Variants in MAP3K20 observed in about 807,000 individuals in gnomAD.
MAP3K20 encodes HCCS-4.
A neutral mutation model predicts 85.7 loss-of-function variants in MAP3K20; 40 were observed. That is an observed-to-expected ratio of 0.47 (90% confidence interval 0.36 to 0.61). The LOEUF is 0.61. MAP3K20 is among the 20% of genes least tolerant of loss of function. The probability of loss-of-function intolerance (pLI) is 0.00; values close to 1 mark genes in which losing one functional copy is unlikely to be tolerated. For synonymous variants in MAP3K20, 325 were observed against 327.7 expected, an observed-to-expected ratio of 0.99 and a Z score of 0.09; for missense variants, 817 against 961.7, an observed-to-expected ratio of 0.85 and a Z score of 1.99.
chr2:173,200,937 A>T (rs938178574), intron 8 of MAP3K20, among the ~76,000 whole-genome samples: 1 of 152,200 alleles, frequency 6.6e-6, no homozygotes. Context: ...CGGCCAAAAA[A>T]GTTTTTTAAA....
chr2:173,087,820 G>C (rs1157790004), intron 1 of MAP3K20, among the ~76,000 whole-genome samples: 1 of 146,694 alleles, frequency 6.8e-6, no homozygotes, highest in Non-Finnish European at 1.5e-5. Context: ...ATTCTATTCT[G>C]TGTGTTCTAT....
chr2:173,253,645 C>G (rs1385584863), intron 16 of MAP3K20, among the ~76,000 whole-genome samples: 1 of 152,132 alleles, frequency 6.6e-6, no homozygotes, highest in Non-Finnish European at 1.5e-5. Flanking sequence ...TTTGCAGTTC[C>G]CATAGGACCT....
At chr2:173,183,538 C>T (rs1574086380) in intron 4 of MAP3K20, among the ~76,000 whole-genome samples, 1 of 152,096 alleles carries the variant, frequency 6.6e-6, no homozygotes, top group African/African-American at 2.4e-5. Context: ...TCTTTTTTCT[C>T]ATACATTCTT....
chr2:173,171,259 A>T (rs921613330), intron 3 of MAP3K20, among the ~76,000 whole-genome samples: 2 of 152,088 alleles, frequency 1.3e-5, no homozygotes, highest in Non-Finnish European at 2.9e-5. Flanking sequence ...TTCCGTGTCC[A>T]TTGTATCTAC....
At chr2:173,149,957 G>A (rs1400638968) in intron 2 of MAP3K20, among the ~76,000 whole-genome samples, 1 of 152,214 alleles carries the variant, frequency 6.6e-6, no homozygotes, top group Non-Finnish European at 1.5e-5. Context: ...TTTAGGGAGT[G>A]TATAGAGATG....
At chr2:173,206,926 CTTTCTT>C (rs1178654720) in intron 9 of MAP3K20, among the ~76,000 whole-genome samples, 3 of 72,104 alleles carry the variant, frequency 4.2e-5, no homozygotes, top group Admixed American at 1.7e-4. Context: ...CAATAAAGTA[CTTTCTT>C]TTTTTTTTTT....
chr2:173,223,311 C>T (rs908402165), intron 11 of MAP3K20: 22 of 923,436 alleles, frequency 2.4e-5, no homozygotes, highest in Middle Eastern at 5.5e-4. Flanking sequence ...TATCTTTGTG[C>T]GTCTGTTTGC....
intron 11 of MAP3K20, chr2:173,223,189 G>C (rs1684297521): frequency 1.0e-6 from 1 of 985,282 alleles, no homozygotes; most frequent in Admixed American, 6.2e-5. Flanking sequence ...GAAAGTTCTG[G>C]GTGTGAGGTG....
chr2:173,184,620 C>T (rs931056592), intron 4 of MAP3K20, among the ~76,000 whole-genome samples: 3 of 152,174 alleles, frequency 2.0e-5, no homozygotes, highest in African/African-American at 7.2e-5. Flanking sequence ...AATTAGGTAG[C>T]AAACTGGGCC....
intron 9 of MAP3K20, among the ~76,000 whole-genome samples, chr2:173,209,110 C>T (rs1410887855): frequency 6.6e-6 from 1 of 152,062 alleles, no homozygotes; most frequent in East Asian, 1.9e-4. Flanking sequence ...GGTTCAGGGG[C>T]ACATGGCCAC....
intron 14 of MAP3K20, among the ~76,000 whole-genome samples, chr2:173,238,089 T>C (rs1020522598): frequency 2.0e-5 from 3 of 152,142 alleles, no homozygotes; most frequent in Non-Finnish European, 2.9e-5. Flanking sequence ...AGTTCAAGGC[T>C]GTGGAGAGTT....
At chr2:173,248,273 G>A (rs889595463) in intron 16 of MAP3K20, among the ~76,000 whole-genome samples, 1 of 152,058 alleles carries the variant, frequency 6.6e-6, no homozygotes, top group Non-Finnish European at 1.5e-5. Flanking sequence ...GAGGATGTAT[G>A]GAAAAAAATA....
intron 1 of MAP3K20, among the ~76,000 whole-genome samples, chr2:173,089,060 A>T (rs1287777256): frequency 6.6e-6 from 1 of 152,212 alleles, no homozygotes; most frequent in Non-Finnish European, 1.5e-5. Context: ...TGGGATGGCT[A>T]GCCAGCTGCA....
Position 173,143,356 on chromosome 2 carries a change from G to A in MAP3K20, c.160-26449G>A, listed in dbSNP as rs577025636. 4.6e-5 allele frequency among the ~76,000 whole-genome samples: 7 copies of A among 152,110 alleles called. No homozygotes were observed. The South Asian group carries it at 1.5e-3, about 32-fold the overall frequency. The stretch of plus-strand genomic sequence containing the variant: ...CAAAATACATGAAGCAAAACTGATA[G>A]AACTAGAAAAAGAAATAGACAAATT... On this transcript the variant is annotated intron_variant, in intron 2 of 19. Coordinates refer to ENST00000375213, the MANE Select transcript of MAP3K20 (RefSeq NM_016653.3).
At chr2:173,153,219 ACG>A (rs1219611258) in intron 2 of MAP3K20, among the ~76,000 whole-genome samples, 1 of 152,128 alleles carries the variant, frequency 6.6e-6, no homozygotes, top group Admixed American at 6.5e-5. Flanking sequence ...AGAAGTTGTT[ACG>A]CCTCCCATTT....
intron 11 of MAP3K20, chr2:173,224,660 C>T (rs1684337503): frequency 2.0e-6 from 2 of 985,302 alleles, no homozygotes; most frequent in Non-Finnish European, 2.4e-6. Context: ...TAGAACTGGA[C>T]TATTGATCAT....
At chr2:173,145,146 T>C (rs1352651015) in intron 2 of MAP3K20, among the ~76,000 whole-genome samples, 6 of 152,010 alleles carry the variant, frequency 3.9e-5, no homozygotes, top group African/African-American at 1.4e-4. Flanking sequence ...AAAGCAAAGG[T>C]AATCTCTTGT....
intron 2 of MAP3K20, among the ~76,000 whole-genome samples, chr2:173,163,028 CT>C (rs1689710471): frequency 6.6e-6 from 1 of 152,154 alleles, no homozygotes; most frequent in African/African-American, 2.4e-5. Flanking sequence ...GGTATCTTTG[CT>C]TTCTTTCACA....
chr2:173,095,182 CAAGT>C (rs1192659793), intron 2 of MAP3K20, among the ~76,000 whole-genome samples: 1 of 152,158 alleles, frequency 6.6e-6, no homozygotes, highest in African/African-American at 2.4e-5. Context: ...CCAAATTTAG[CAAGT>C]AAGAGCTCTT....
Sources: allele counts gnomAD v4.1 joint callset (sites outside exome capture counted in the v4.1 genomes callset), GRCh38; gene constraint gnomAD v4.1.1; transcripts MANE v1.5; gene names NCBI Gene and HGNC (gene_info 2026-07-23, HGNC 2026-07-21).